HLA-DRB1: variants seen among roughly 807,000 people sequenced by gnomAD.
The protein encoded by HLA-DRB1 is major histocompatibility complex, class II, DR beta 1 precursor.
In HLA-DRB1, 10 loss-of-function variants were observed where a neutral mutation model predicts 27.9. That is an observed-to-expected ratio of 0.36 (90% CI 0.22 to 0.61). The LOEUF (loss-of-function observed/expected upper bound fraction) is 0.61, where lower values mean the gene tolerates loss of function less well. Ranked by LOEUF, HLA-DRB1 falls within the 20% of genes least tolerant of loss-of-function variation. The probability of loss-of-function intolerance (pLI) is 0.73; values close to 1 mark genes in which losing one functional copy is unlikely to be tolerated. For missense variants in HLA-DRB1, 118 were observed against 306.3 expected, an observed-to-expected ratio of 0.39 and a Z score of 4.59; for synonymous variants, 57 against 126.7, an observed-to-expected ratio of 0.45 and a Z score of 3.69.
exon 2 of HLA-DRB1, chr6:32,584,162 G>T (rs9269941): frequency 0.13 from 143,073 of 1,076,112 alleles, 26,998 homozygotes; most frequent in South Asian, 0.17. Context: ...TCTGCAGTAG[G>T]TGTCCACCGC....
At chr6:32,579,419 G>GATGCCA (rs41284672) in intron 5 of HLA-DRB1, among the ~76,000 whole-genome samples, 1 of 62,608 alleles carries the variant, frequency 1.6e-5, no homozygotes, top group African/African-American at 6.5e-5. Flanking sequence ...CTGACTTCCT[G>GATGCCA]CAGACCTTCA....
At chr6:32,581,155 A>G (rs9269780) in intron 3 of HLA-DRB1, among the ~76,000 whole-genome samples, 35,608 of 55,744 alleles carry the variant, frequency 0.64, 14,535 homozygotes, top group Middle Eastern at 0.81. Flanking sequence ...GCTAATAAAA[A>G]GCAGGGCTGA....
exon 3 of HLA-DRB1, chr6:32,581,761 C>G (rs760934639): frequency 1.9e-6 from 3 of 1,553,826 alleles, no homozygotes; most frequent in Non-Finnish European, 2.6e-6. Flanking sequence ...GGATAGAAAC[C>G]ACTCACAGAG....
At chr6:32,579,699 G>A (rs115883159) in intron 5 of HLA-DRB1, among the ~76,000 whole-genome samples, 23,736 of 61,170 alleles carry the variant, frequency 0.39, 10,692 homozygotes, top group Admixed American at 0.43. Context: ...ATTTTAAAGA[G>A]TGCTGATTGG....
At chr6:32,583,689 G>GTT (rs1775883210) in intron 2 of HLA-DRB1, among the ~76,000 whole-genome samples, 4 of 56,892 alleles carry the variant, frequency 7.0e-5, no homozygotes, top group African/African-American at 1.5e-4. Flanking sequence ...TTACCCCTCA[G>GTT]CAGTCCTCCC....
In HLA-DRB1 at chr6:32,581,360, G is replaced by A. The variant is rs41288104; in HGVS notation, c.652+197C>T. Among the ~76,000 whole-genome samples the A allele has an allele frequency of 9.7e-3, 814 of 83,620 alleles. 30 individuals carry two copies. Among genetic ancestry groups the A allele is most frequent in the Middle Eastern group, 0.016 (2 of 122 alleles). The allele number at this position is 83,620 out of a possible 152,430, so 54.9% of individuals were successfully genotyped here. On this transcript the variant is annotated intron_variant, in intron 3 of 5. Transcript: ENST00000360004. The stretch of plus-strand genomic sequence containing the variant: ...GAGGGACAGTCTCTCCCGCCTGGCA[G>A]GCGAGACTGCTTCTCCAGGAGGTAC...
At chr6:32,586,517 G>A (rs9270087) in intron 1 of HLA-DRB1, among the ~76,000 whole-genome samples, 11,245 of 47,162 alleles carry the variant, frequency 0.24, 2,569 homozygotes, top group Middle Eastern at 0.31. Context: ...TTTTTCTCCA[G>A]CATCCTTGGG....
At chr6:32,584,730 A>C in intron 1 of HLA-DRB1, among the ~76,000 whole-genome samples, 3 of 45,550 alleles carry the variant, frequency 6.6e-5, no homozygotes, top group Non-Finnish European at 9.3e-5. Flanking sequence ...TGCTCCTCTC[A>C]TCCCACACGC....
At chr6:32,587,834 T>C (rs1175259542) in intron 1 of HLA-DRB1, among the ~76,000 whole-genome samples, 10 of 137,786 alleles carry the variant, frequency 7.3e-5, no homozygotes, top group Non-Finnish European at 1.2e-4. Flanking sequence ...TACTCTTGTG[T>C]AACTTCCATG....
chr6:32,584,469 C>G, intron 1 of HLA-DRB1, 91 bp from the exon 2 acceptor site: 1 of 611,314 alleles, frequency 1.6e-6, no homozygotes, highest in Non-Finnish European at 2.4e-6. Context: ...GAGCGGGGTG[C>G]GGGCGCTGGA....
chr6:32,588,891 A>T (rs34060078), intron 1 of HLA-DRB1, among the ~76,000 whole-genome samples: 1 of 42,886 alleles, frequency 2.3e-5, no homozygotes. Flanking sequence ...AGAAAGGTTA[A>T]AAAAGATTCA....
intron 2 of HLA-DRB1, among the ~76,000 whole-genome samples, chr6:32,582,517 A>G (rs555576161): frequency 0.057 from 4,956 of 87,162 alleles, 200 homozygotes; most frequent in East Asian, 0.091. Context: ...TAGGAATACT[A>G]CTCCCATGCA....
At chr6:32,588,336 C>T (rs1776816337) in intron 1 of HLA-DRB1, among the ~76,000 whole-genome samples, 1 of 143,006 alleles carries the variant, frequency 7.0e-6, no homozygotes, top group Non-Finnish European at 1.5e-5. Flanking sequence ...TGCCTGTATT[C>T]CCAGCTACTC....
At chr6:32,582,748 G>A (rs1775743515) in intron 2 of HLA-DRB1, among the ~76,000 whole-genome samples, 1 of 118,918 alleles carries the variant, frequency 8.4e-6, no homozygotes, top group Non-Finnish European at 1.7e-5. Context: ...GCCTATCATT[G>A]TAAAATGATT....
chr6:32,589,773 A>G (rs561980359), exon 1 of HLA-DRB1: 43,392 of 417,200 alleles, frequency 0.1, 1,082 homozygotes, highest in East Asian at 0.17. Flanking sequence ...CAGGGGCCAG[A>G]GAAGCAGGCA....
Position 32,579,917 on chromosome 6 carries a change from A to C in HLA-DRB1, c.787+330T>G, listed in dbSNP as rs1328857228. On this transcript the variant is annotated intron_variant, in intron 5 of 5. Transcript: ENST00000360004. ...AGGAGATCGAGACCATCCTGGCTAA[A>C]ACGGTGAAACCCCGTCTCTACTAAA... is the stretch of plus-strand genomic sequence containing the variant. 2.4e-4 allele frequency among the ~76,000 whole-genome samples: 8 copies of C among 32,910 alleles called. 4 individuals carry two copies. Among genetic ancestry groups the C allele is most frequent in the Non-Finnish European group, 4.9e-4 (8 of 16,258 alleles). 21.6% of individuals were successfully genotyped at this position (32,910 alleles called of 152,430 possible). A position where few individuals can be genotyped will look rare whatever the true frequency, so the allele number is the denominator to read the frequency against.
At chr6:32,586,020 A>T in intron 1 of HLA-DRB1, among the ~76,000 whole-genome samples, 1 of 127,872 alleles carries the variant, frequency 7.8e-6, no homozygotes, top group African/African-American at 2.9e-5. Flanking sequence ...TAGAGTAATA[A>T]CTGGTATATG....
chr6:32,581,386 A>G (rs1225898112), intron 3 of HLA-DRB1, among the ~76,000 whole-genome samples, 171 bp downstream of exon 3: 1 of 79,886 alleles, frequency 1.3e-5, no homozygotes, highest in Non-Finnish European at 2.5e-5. Flanking sequence ...CAGGAGGTAC[A>G]GGTGTTTCTA....
At chr6:32,581,403 C>T (rs28732323) in intron 3 of HLA-DRB1, among the ~76,000 whole-genome samples, 154 bp downstream of exon 3, 1 of 39,922 alleles carries the variant, frequency 2.5e-5, no homozygotes, top group Non-Finnish European at 5.1e-5. Context: ...TCTAGAAACA[C>T]CTACAGGGCT....
Sources: allele counts gnomAD v4.1 joint callset (sites outside exome capture counted in the v4.1 genomes callset), GRCh38; gene constraint gnomAD v4.1.1; transcripts MANE v1.5; gene names NCBI Gene and HGNC (gene_info 2026-07-23, HGNC 2026-07-21).